Variants in SAMD12 observed in about 807,000 individuals in gnomAD.
SAMD12 encodes the protein sterile alpha motif domain-containing protein 12.
A neutral mutation model predicts 15.0 loss-of-function variants in SAMD12; 9 were observed. The observed-to-expected ratio is 0.60, with a 90% CI of 0.36 to 1.05. SAMD12 has a LOEUF of 1.05. Ranked by LOEUF, SAMD12 falls within the 50% of genes least tolerant of loss-of-function variation. SAMD12 has a pLI of 0.01. For synonymous variants in SAMD12, 86 were observed against 90.1 expected (o/e 0.96, Z 0.25); for missense variants, 230 against 234.2 (o/e 0.98, Z 0.12).
chr8:118,160,645 A>G, the SAMD12 span, among the ~76,000 whole-genome samples: 67 of 152,376 alleles, frequency 4.4e-4, no homozygotes, highest in African/African-American at 1.3e-3. Flanking sequence ...AAATAAGAAG[A>G]AATTTTGGTC....
At chr8:118,225,755 T>C (rs1008910060) in intron 4 of SAMD12, among the ~76,000 whole-genome samples, 1 of 152,102 alleles carries the variant, frequency 6.6e-6, no homozygotes, top group African/African-American at 2.4e-5. Context: ...GAGCTTACAG[T>C]TCAATTCATA....
chr8:118,522,231 A>C (rs955045118), intron 2 of SAMD12, among the ~76,000 whole-genome samples: 1 of 151,948 alleles, frequency 6.6e-6, no homozygotes, highest in African/African-American at 2.4e-5. Context: ...AAAGAGAGAA[A>C]TCAAACGAGA....
At position 118,587,596 on chromosome 8, in the gene SAMD12, T is replaced by C. The variant is rs115874677; in HGVS notation, c.14-6703A>G. The stretch of plus-strand genomic sequence containing the variant: ...TCTGGAACTGACAAAAGAGGAAAGA[T>C]CTTAACATCACTCTTCCCCTTTGTC... On this transcript the variant is annotated intron_variant, in intron 1 of 3. Transcript: ENST00000314727. Among the ~76,000 whole-genome samples the C allele has an allele frequency of 3.9e-3, 593 of 152,306 alleles. 7 individuals are homozygous for C. Among genetic ancestry groups the C allele is most frequent in the African/African-American group, 0.014 (566 of 41,574 alleles).
chr8:118,478,956 T>C (rs977356071), intron 2 of SAMD12, among the ~76,000 whole-genome samples: 1 of 152,188 alleles, frequency 6.6e-6, no homozygotes, highest in Non-Finnish European at 1.5e-5. Context: ...TGGGACACCA[T>C]TTTCAAGACA....
At chr8:118,544,766 A>G (rs900707746) in intron 2 of SAMD12, among the ~76,000 whole-genome samples, 1 of 152,158 alleles carries the variant, frequency 6.6e-6, no homozygotes, top group Non-Finnish European at 1.5e-5. Context: ...TCATCTCACC[A>G]CACCACTATT....
intron 1 of SAMD12, among the ~76,000 whole-genome samples, chr8:118,584,701 T>G (rs918275963): frequency 5.3e-5 from 8 of 152,214 alleles, no homozygotes; most frequent in Admixed American, 3.9e-4. Flanking sequence ...AGAGAAATGT[T>G]TCACTGCAAA....
intron 4 of SAMD12, among the ~76,000 whole-genome samples, chr8:118,282,799 C>A (rs1004518104): frequency 6.6e-6 from 1 of 151,852 alleles, no homozygotes; most frequent in East Asian, 1.9e-4. Flanking sequence ...TCCCTGCAAT[C>A]TTTTCATTTT....
chr8:118,502,619 TA>T (rs1824816698), intron 2 of SAMD12, among the ~76,000 whole-genome samples: 1 of 152,232 alleles, frequency 6.6e-6, no homozygotes, highest in South Asian at 2.1e-4. Context: ...ACATTTTCAT[TA>T]CATTTTTCAA....
At chr8:118,247,493 A>G (rs1010265794) in intron 4 of SAMD12, among the ~76,000 whole-genome samples, 1 of 152,146 alleles carries the variant, frequency 6.6e-6, no homozygotes, top group African/African-American at 2.4e-5. Context: ...TCATTCCACA[A>G]TGTATACTTG....
At chr8:118,536,443 A>ACACACAC (rs1825845940) in intron 2 of SAMD12, among the ~76,000 whole-genome samples, 16 of 140,872 alleles carry the variant, frequency 1.1e-4, no homozygotes, top group African/African-American at 3.3e-4. Flanking sequence ...CTGATACACA[A>ACACACAC]ACACACACAC....
chr8:118,280,882 A>G (rs938197363), intron 4 of SAMD12, among the ~76,000 whole-genome samples: 6 of 152,150 alleles, frequency 3.9e-5, no homozygotes, highest in African/African-American at 1.4e-4. Flanking sequence ...AGGTATCTCC[A>G]TGCTTTCAGT....
chr8:118,524,856 G>A (rs1264953973), intron 2 of SAMD12, among the ~76,000 whole-genome samples: 1 of 152,074 alleles, frequency 6.6e-6, no homozygotes, highest in Non-Finnish European at 1.5e-5. Context: ...TGCCATACTG[G>A]GTCACCACTC....
intron 2 of SAMD12, among the ~76,000 whole-genome samples, chr8:118,501,889 C>T (rs1824791749): frequency 1.3e-5 from 2 of 151,968 alleles, no homozygotes; most frequent in South Asian, 4.2e-4. Flanking sequence ...TGGTGGCAGG[C>T]GCCTGTAGTC....
chr8:118,572,576 T>C (rs949325166), intron 2 of SAMD12, among the ~76,000 whole-genome samples: 1 of 151,820 alleles, frequency 6.6e-6, no homozygotes, highest in Non-Finnish European at 1.5e-5. Flanking sequence ...TGACAGAGAA[T>C]AAGTCTCACG....
intron 4 of SAMD12, among the ~76,000 whole-genome samples, chr8:118,325,116 G>A (rs1816505404): frequency 6.6e-6 from 1 of 152,190 alleles, no homozygotes; most frequent in African/African-American, 2.4e-5. Flanking sequence ...TGTGACTACT[G>A]CCTGCTTTTC....
intron 4 of SAMD12, among the ~76,000 whole-genome samples, chr8:118,321,590 G>C (rs1483015615): frequency 6.6e-6 from 1 of 151,582 alleles, no homozygotes; most frequent in Non-Finnish European, 1.5e-5. Context: ...CTCTAGCATG[G>C]GCAACAGAGT....
intron 4 of SAMD12, among the ~76,000 whole-genome samples, chr8:118,369,642 G>A (rs1434288276): frequency 6.6e-6 from 1 of 152,066 alleles, no homozygotes; most frequent in Non-Finnish European, 1.5e-5. Context: ...TTGAACCTAG[G>A]AGGCGGAGGT....
chr8:118,164,942 T>C, the SAMD12 span, among the ~76,000 whole-genome samples: 1 of 151,216 alleles, frequency 6.6e-6, no homozygotes, highest in African/African-American at 2.4e-5. Flanking sequence ...TCTAAACTCA[T>C]ATTCTCAGTC....
At chr8:118,463,705 G>C (rs1249642830) in intron 2 of SAMD12, among the ~76,000 whole-genome samples, 1 of 152,058 alleles carries the variant, frequency 6.6e-6, no homozygotes, top group African/African-American at 2.4e-5. Flanking sequence ...TCCTGATGAG[G>C]GTCCCTTAAA....
Sources: allele counts gnomAD v4.1 joint callset (sites outside exome capture counted in the v4.1 genomes callset), GRCh38; gene constraint gnomAD v4.1.1; transcripts MANE v1.5; gene names NCBI Gene and HGNC (gene_info 2026-07-23, HGNC 2026-07-21).